The following RTTN variants were observed in gnomAD, a reference collection of about 807,000 sequenced individuals.
RTTN encodes rotatin.
RTTN carries 182 observed loss-of-function variants against 269.2 expected under a neutral mutation model. The observed-to-expected ratio is 0.68, with a 90% CI of 0.60 to 0.76. The LOEUF (loss-of-function observed/expected upper bound fraction) is 0.76. Ranked by LOEUF, RTTN falls within the 30% of genes least tolerant of loss-of-function variation. RTTN has a pLI of 0.00. For missense variants in RTTN, 2,545 were observed against 2,608.6 expected, an observed-to-expected ratio of 0.98 and a Z score of 0.53; for synonymous variants, 1,006 against 963.5, an observed-to-expected ratio of 1.04 and a Z score of -0.82.
At chr18:70,153,298 TACAC>T (rs1321479198) in intron 14 of RTTN, among the ~76,000 whole-genome samples, 1 of 151,942 alleles carries the variant, frequency 6.6e-6, no homozygotes, top group African/African-American at 2.4e-5. Flanking sequence ...TATACATATA[TACAC>T]ACACACATAC....
At chr18:70,018,614 A>C (rs1329064258) in intron 45 of RTTN, among the ~76,000 whole-genome samples, 1 of 152,206 alleles carries the variant, frequency 6.6e-6, no homozygotes, top group Non-Finnish European at 1.5e-5. Context: ...GAGTGTTAAG[A>C]ATGAAATGAG....
intron 41 of RTTN, 58 bp downstream of exon 41, chr18:70,030,818 C>A: frequency 7.9e-7 from 1 of 1,268,298 alleles, no homozygotes; most frequent in Non-Finnish European, 1.1e-6. Context: ...CTTGAACAAG[C>A]AACAAAACAT....
At chr18:70,187,181 C>T (rs893533776) in intron 10 of RTTN, among the ~76,000 whole-genome samples, 1 of 152,000 alleles carries the variant, frequency 6.6e-6, no homozygotes, top group African/African-American at 2.4e-5. Context: ...GCATTTGCTA[C>T]CTATAAAAAA....
chr18:70,010,249 T>C (rs2056327937), intron 46 of RTTN, among the ~76,000 whole-genome samples: 1 of 152,186 alleles, frequency 6.6e-6, no homozygotes, highest in African/African-American at 2.4e-5. Context: ...AACAGACATC[T>C]ACAGAACACT....
intron 41 of RTTN, among the ~76,000 whole-genome samples, chr18:70,030,435 C>T (rs1177287029): frequency 6.6e-6 from 1 of 152,188 alleles, no homozygotes; most frequent in Non-Finnish European, 1.5e-5. Context: ...CTCAGATCTA[C>T]ATTCTCCGAT....
At chr18:70,063,725 C>A (rs763895075) in intron 35 of RTTN, among the ~76,000 whole-genome samples, 1 of 151,984 alleles carries the variant, frequency 6.6e-6, no homozygotes, top group Non-Finnish European at 1.5e-5. Flanking sequence ...TATATAGAAA[C>A]CTTTTTTGAA....
At chr18:70,141,042 T>A (rs1309541005) in intron 19 of RTTN, among the ~76,000 whole-genome samples, 1 of 152,210 alleles carries the variant, frequency 6.6e-6, no homozygotes, top group Non-Finnish European at 1.5e-5. Flanking sequence ...AGGCATACTT[T>A]TGAAATGTTA....
chr18:70,103,328 T>G (rs1033202989), intron 28 of RTTN, among the ~76,000 whole-genome samples: 1 of 151,010 alleles, frequency 6.6e-6, no homozygotes, highest in African/African-American at 2.4e-5. Context: ...GGGGGAAATG[T>G]GGGGAAAAGA....
intron 11 of RTTN, among the ~76,000 whole-genome samples, chr18:70,169,601 G>GAT (rs1300160493): frequency 6.6e-6 from 1 of 152,098 alleles, no homozygotes; most frequent in Non-Finnish European, 1.5e-5. Context: ...TTTTAGAGGG[G>GAT]ATAGTGGAAA....
chr18:70,070,483 T>G (rs1377197317), intron 34 of RTTN, among the ~76,000 whole-genome samples: 1 of 152,250 alleles, frequency 6.6e-6, no homozygotes, highest in Non-Finnish European at 1.5e-5. Context: ...GATCCATCCC[T>G]GCTTAAACTA....
rs186520582 is a variant in RTTN at position 70,143,323 on chromosome 18, C to T, written c.2482-936G>A. Among the ~76,000 whole-genome samples the T allele has an allele frequency of 6.0e-3, 911 of 152,156 alleles. 3 individuals carry two copies. Among genetic ancestry groups the T allele is most frequent in the Middle Eastern group, 0.01 (3 of 294 alleles). On this transcript the variant is annotated intron_variant, in intron 18 of 48. Coordinates refer to ENST00000640769, the MANE Select transcript of RTTN (RefSeq NM_173630.4). ...ATGTTCACTGCAGCACTATTCACAA[C>T]AGCAAACACATGGAATCAACCTACA... is the stretch of plus-strand genomic sequence containing the variant.
At chr18:70,035,339 A>C (rs2057139812) in intron 40 of RTTN, among the ~76,000 whole-genome samples, 1 of 152,246 alleles carries the variant, frequency 6.6e-6, no homozygotes, top group African/African-American at 2.4e-5. Context: ...TAACCAAAGC[A>C]TGGTAATGGT....
intron 26 of RTTN, 48 bp downstream of exon 26, chr18:70,121,508 A>G (rs768088865): frequency 1.6e-5 from 23 of 1,404,460 alleles, no homozygotes; most frequent in South Asian, 2.9e-5. Context: ...ATTTCTACAA[A>G]TAAGTTATTT....
chr18:70,088,044 C>G lies in RTTN; in HGVS notation c.4247G>C (p.Gly1416Ala). 6.2e-7 allele frequency: 1 copy of G among 1,613,880 alleles called. No homozygotes were observed. Among genetic ancestry groups the G allele is most frequent in the Admixed American group, 1.7e-5 (1 of 59,922 alleles). Residue 1416 changes from glycine to alanine, a missense_variant, in exon 31 of 49, where the codon GGA becomes GCA. Coordinates refer to ENST00000640769, the MANE Select transcript of RTTN (RefSeq NM_173630.4). Reference protein sequence around the residue: ...SCQNISGGLWGTVVNILLDQS... With the variant: ...SCQNISGGLWATVVNILLDQS... ...GTCCAGAAGAATGTTCACCACAGTT[C>G]CCCAGAGCCCACCGGAAATGTTCTG... is the stretch of plus-strand genomic sequence containing the variant.
intron 30 of RTTN, among the ~76,000 whole-genome samples, 183 bp from the exon 31 acceptor site, chr18:70,088,330 T>C (rs964838089): frequency 5.9e-5 from 9 of 152,112 alleles, no homozygotes; most frequent in African/African-American, 1.4e-4. Context: ...AGCAGTAATA[T>C]AGGAAAAATT....
chr18:70,197,621 G>C lies in RTTN; in HGVS notation c.693+3C>G. The C allele has an allele frequency of 1.9e-6, 3 of 1,581,762 alleles. No individual in the cohort carries two copies. Among genetic ancestry groups the C allele is most frequent in the Non-Finnish European group, 1.7e-6 (2 of 1,150,514 alleles). On this transcript the variant is annotated splice_donor_region_variant and intron_variant, in intron 6 of 48. Transcript: ENST00000640769. ...ATCTAAAACAATTATAGAGGGCACTGACCTGAACAATTTTTGGCCTTTGAA... is the reference window on the plus strand; with the variant it reads ...ATCTAAAACAATTATAGAGGGCACTCACCTGAACAATTTTTGGCCTTTGAA...
At chr18:70,047,615 G>A (rs535696117) in intron 40 of RTTN, among the ~76,000 whole-genome samples, 69 of 152,266 alleles carry the variant, frequency 4.5e-4, no homozygotes, top group Middle Eastern at 3.4e-3. Flanking sequence ...TTTCAGAGAC[G>A]TAGATATATC....
intron 44 of RTTN, chr18:70,021,045 T>A (rs1353909790): frequency 1.0e-5 from 4 of 399,168 alleles, no homozygotes; most frequent in Non-Finnish European, 1.8e-5. Context: ...ACCAGGTTTA[T>A]TTTTAAAAAA....
intron 23 of RTTN, among the ~76,000 whole-genome samples, chr18:70,132,652 A>G (rs758252997): frequency 2.0e-5 from 3 of 152,116 alleles, no homozygotes; most frequent in Non-Finnish European, 2.9e-5. Context: ...AGCCATACTT[A>G]GAAACATTGA....
Sources: allele counts gnomAD v4.1 joint callset (sites outside exome capture counted in the v4.1 genomes callset), GRCh38; gene constraint gnomAD v4.1.1; transcripts MANE v1.5; gene names NCBI Gene and HGNC (gene_info 2026-07-23, HGNC 2026-07-21).